Variants in PKNOX2 observed in about 807,000 individuals in gnomAD.
The protein encoded by PKNOX2 is PBX/knotted 1 homeobox 2.
In PKNOX2, 14 loss-of-function variants were observed where a neutral mutation model predicts 53.1. The observed-to-expected ratio is 0.26, with a 90% confidence interval of 0.17 to 0.41. PKNOX2 has a LOEUF of 0.41. PKNOX2 is among the 10% of genes least tolerant of loss of function. The pLI, the probability that PKNOX2 is intolerant of heterozygous loss-of-function variation, is 1.00. For synonymous variants in PKNOX2, 257 were observed against 242.8 expected (o/e 1.06, Z -0.54); for missense variants, 496 against 602.8 (o/e 0.82, Z 1.85).
chr11:125,298,748 C>A (rs1458419769), intron 2 of PKNOX2, among the ~76,000 whole-genome samples: 1 of 152,160 alleles, frequency 6.6e-6, no homozygotes, highest in East Asian at 1.9e-4. Context: ...TCAGAAGAAG[C>A]CAAACAGTGG....
chr11:125,367,778 A>T, intron 4 of PKNOX2, 68 bp from the exon 5 acceptor site: 1 of 1,539,760 alleles, frequency 6.5e-7, no homozygotes, highest in Non-Finnish European at 8.8e-7. Flanking sequence ...GGCGGACCTC[A>T]CACTACAGCC....
chr11:125,411,479 T>G (rs1955516322), intron 9 of PKNOX2: 1 of 411,746 alleles, frequency 2.4e-6, no homozygotes, highest in African/African-American at 2.3e-5. Context: ...TCTCTCTCTC[T>G]CTCTCTCTCT....
At chr11:125,428,867 A>G in intron 10 of PKNOX2, 145 bp from the exon 11 acceptor site, 3 of 726,030 alleles carry the variant, frequency 4.1e-6, no homozygotes, top group African/African-American at 3.5e-5. Flanking sequence ...CTCTGTGGGG[A>G]GCAAACATGA....
chr11:125,389,484 G>A (rs1410996656), intron 6 of PKNOX2, among the ~76,000 whole-genome samples: 10 of 152,144 alleles, frequency 6.6e-5, no homozygotes, highest in Non-Finnish European at 7.4e-5. Context: ...AATGCCCCTG[G>A]CTGGCTCCCC....
In PKNOX2 at chr11:125,373,887, G is replaced by A. The variant is rs556198854; in HGVS notation, c.227+5902G>A. Among the ~76,000 whole-genome samples, 98 of 152,308 alleles carry A rather than the reference G, an allele frequency of 6.4e-4. 3 individuals are homozygous for A. In the South Asian group the frequency reaches 0.019, roughly 29 times the overall value. ...CAGAGCTTCAGGCCTGCAGTGTAGC[G>A]TGGGAGAGTTGCACTGCTTTTCCCA... On this transcript the variant is annotated intron_variant, in intron 5 of 12. Transcript: ENST00000298282.
At chr11:125,196,691 A>C (rs1004950187) in intron 1 of PKNOX2, among the ~76,000 whole-genome samples, 2 of 152,136 alleles carry the variant, frequency 1.3e-5, no homozygotes, top group Non-Finnish European at 2.9e-5. Context: ...CTGGCCCTGA[A>C]TTTCCTCATC....
chr11:125,353,366 G>A (rs956165211), intron 4 of PKNOX2, among the ~76,000 whole-genome samples: 1 of 152,162 alleles, frequency 6.6e-6, no homozygotes, highest in Non-Finnish European at 1.5e-5. Context: ...GTTTTGGTTT[G>A]GCGGGGATTA....
chr11:125,406,318 G>A (rs1955095766), intron 7 of PKNOX2, among the ~76,000 whole-genome samples: 1 of 152,208 alleles, frequency 6.6e-6, no homozygotes, highest in African/African-American at 2.4e-5. Context: ...TGTGGGGCTA[G>A]TCAGAGACGA....
chr11:125,258,732 G>T (rs552081208), intron 2 of PKNOX2: 9 of 221,648 alleles, frequency 4.1e-5, no homozygotes, highest in Middle Eastern at 9.4e-4. Flanking sequence ...AAGCACTGTG[G>T]CAGCCTTCTG....
At chr11:125,406,808 C>T (rs1955129664) in intron 7 of PKNOX2, among the ~76,000 whole-genome samples, 1 of 150,734 alleles carries the variant, frequency 6.6e-6, no homozygotes, top group South Asian at 2.1e-4. Flanking sequence ...AAAGCTCTCT[C>T]ATACTCAGCG....
At chr11:125,211,750 A>G (rs1197725147) in intron 1 of PKNOX2, among the ~76,000 whole-genome samples, 1 of 152,076 alleles carries the variant, frequency 6.6e-6, no homozygotes, top group African/African-American at 2.4e-5. Context: ...GTGGGAATGC[A>G]GCTGTTTTTA....
chr11:125,295,711 G>A lies in PKNOX2; in HGVS notation c.-129-36108G>A, dbSNP rs1947615179. 1.3e-5 allele frequency among the ~76,000 whole-genome samples: 2 copies of A among 152,182 alleles called. 1 individual carries two copies. Among genetic ancestry groups the A allele is most frequent in the South Asian group, 4.1e-4 (2 of 4,826 alleles). On this transcript the variant is annotated intron_variant, in intron 2 of 12. Transcript: ENST00000298282. Reference sequence around the variant, plus strand: ...CAGGGTCACTGGATTTGGCAAGGAGGTGGCCTTCGAAGAGGGCAGTTTCAG... The same window carrying A: ...CAGGGTCACTGGATTTGGCAAGGAGATGGCCTTCGAAGAGGGCAGTTTCAG...
chr11:125,385,767 T>C, intron 6 of PKNOX2, 45 bp downstream of exon 6: 1 of 1,570,136 alleles, frequency 6.4e-7, no homozygotes, highest in Non-Finnish European at 8.6e-7. Context: ...CTTCCTACCC[T>C]CTGACCCCCT....
At chr11:125,404,530 G>A (rs1029890727) in intron 7 of PKNOX2, among the ~76,000 whole-genome samples, 26 of 152,174 alleles carry the variant, frequency 1.7e-4, no homozygotes, top group African/African-American at 5.8e-4. Context: ...CCAGAACGGA[G>A]GGATGCTGCC....
intron 1 of PKNOX2, among the ~76,000 whole-genome samples, chr11:125,182,420 C>G (rs755331796): frequency 6.6e-6 from 1 of 152,190 alleles, no homozygotes; most frequent in African/African-American, 2.4e-5. Flanking sequence ...TGGCTTTTGA[C>G]AGACCAGGGT....
intron 2 of PKNOX2, chr11:125,330,460 G>T (rs1950074555): frequency 6.6e-6 from 1 of 152,190 alleles, no homozygotes; most frequent in South Asian, 2.1e-4. Flanking sequence ...TATCTCTTAT[G>T]TCCTCTTGGA....
intron 1 of PKNOX2, among the ~76,000 whole-genome samples, chr11:125,171,258 C>G (rs1218702738): frequency 1.3e-5 from 2 of 152,204 alleles, no homozygotes; most frequent in African/African-American, 2.4e-5. Flanking sequence ...CTTTGTTCTT[C>G]CATTCAGCAA....
intron 2 of PKNOX2, among the ~76,000 whole-genome samples, chr11:125,284,368 A>T (rs1946765772): frequency 6.6e-6 from 1 of 152,216 alleles, no homozygotes; most frequent in Non-Finnish European, 1.5e-5. Context: ...GTGACCTCTC[A>T]GCCCGCTGCT....
At chr11:125,397,018 G>GT (rs1269659381) in intron 6 of PKNOX2, among the ~76,000 whole-genome samples, 2 of 152,154 alleles carry the variant, frequency 1.3e-5, no homozygotes, top group Admixed American at 6.5e-5. Flanking sequence ...TCGAAGACAG[G>GT]TTTTTTTCAC....
Sources: gnomAD v4.1 joint callset for allele counts (sites outside exome capture counted in the v4.1 genomes callset) on GRCh38, gnomAD v4.1.1 for gene constraint, MANE v1.5 for transcripts, NCBI Gene and HGNC (gene_info 2026-07-23, HGNC 2026-07-21) for gene names.